Variants in ZNF831 observed in about 807,000 individuals in gnomAD.
ZNF831 encodes the protein chromosome 20 open reading frame 174.
Under a neutral mutation model 95.8 loss-of-function variants are expected in ZNF831, and 59 were observed. The observed-to-expected ratio is 0.62, with a 90% CI of 0.50 to 0.77. The LOEUF (loss-of-function observed/expected upper bound fraction) is 0.77, where lower values mean the gene tolerates loss of function less well. Among genes scored for constraint, ZNF831 ranks in the 30% least tolerant of loss-of-function variants. The pLI is 0.00. For missense variants in ZNF831, 2,205 were observed against 2,164.0 expected, an observed-to-expected ratio of 1.02 and a Z score of -0.38; for synonymous variants, 961 against 925.5, an observed-to-expected ratio of 1.04 and a Z score of -0.70.
At chr20:59,215,552 C>A (rs1985622524) in intron 4 of ZNF831, among the ~76,000 whole-genome samples, 1 of 152,222 alleles carries the variant, frequency 6.6e-6, no homozygotes, top group African/African-American at 2.4e-5. Context: ...CTTGGACACA[C>A]TTGTGATGAG....
Position 59,127,492 on chromosome 20 carries a change from C to T in ZNF831, c.-1425+3987C>T, listed in dbSNP as rs935178956. Among the ~76,000 whole-genome samples, 30 of 152,320 alleles carry T rather than the reference C, an allele frequency of 2.0e-4. 1 individual carries two copies. Among genetic ancestry groups the T allele is most frequent in the East Asian group, 3.9e-4 (2 of 5,172 alleles). On this transcript the variant is annotated intron_variant, in intron 1 of 7. Coordinates refer to the ZNF831 transcript ENST00000637017. ...ACCTTCCTGTTCCCAGCCAGCCCCA[C>T]GGGGCTCCCTGCTCTTCCTCCATTG... is the stretch of plus-strand genomic sequence containing the variant.
intron 3 of ZNF831, among the ~76,000 whole-genome samples, chr20:59,196,994 C>T (rs1984169464): frequency 6.6e-6 from 1 of 151,498 alleles, no homozygotes; most frequent in African/African-American, 2.4e-5. Context: ...GCCATGTTGC[C>T]CAGGCTGGTC....
chr20:59,207,025 G>A lies in ZNF831; in HGVS notation c.3996G>A (p.Arg1332=). 5 of 1,614,214 alleles carry A rather than the reference G, an allele frequency of 3.1e-6. No homozygotes were observed. Among genetic ancestry groups the A allele is most frequent in the Non-Finnish European group, 4.2e-6 (5 of 1,180,040 alleles). ...PPALEGLKPC[R]TPGQTSSEIA... ...CACTTGAGGGACTGAAGCCATGCAGGACCCCTGGGCAGACCTCTTCAGAAA... is the reference window on the plus strand; with the variant it reads ...CACTTGAGGGACTGAAGCCATGCAGAACCCCTGGGCAGACCTCTTCAGAAA... The change falls in exon 4 of 6, where the codon AGG becomes AGA. Residue 1332 remains arginine, a synonymous_variant. Coordinates refer to ENST00000371030, the MANE Select transcript of ZNF831 (RefSeq NM_178457.3).
At chr20:59,175,053 A>C (rs562797366) in intron 1 of ZNF831, among the ~76,000 whole-genome samples, 2 of 152,070 alleles carry the variant, frequency 1.3e-5, no homozygotes, top group East Asian at 3.9e-4. Flanking sequence ...AAAATGTGAT[A>C]CCCTTTTCTA....
chr20:59,203,093 G>A (rs186495254), intron 3 of ZNF831, among the ~76,000 whole-genome samples: 24 of 152,164 alleles, frequency 1.6e-4, no homozygotes, highest in Middle Eastern at 6.8e-3. Context: ...AAATGGGGCT[G>A]TCTTTTCATG....
chr20:59,151,567 C>T (rs552424908), intron 2 of ZNF831, among the ~76,000 whole-genome samples: 147 of 152,246 alleles, frequency 9.7e-4, no homozygotes, highest in Non-Finnish European at 1.4e-3. Flanking sequence ...GGTGAGATAC[C>T]GAGCCAAGAT....
At chr20:59,252,926 T>C (rs1371959693) in intron 4 of ZNF831, 52 bp from the exon 5 acceptor site, 12 of 1,572,612 alleles carry the variant, frequency 7.6e-6, no homozygotes, top group Non-Finnish European at 9.5e-6. Flanking sequence ...GAAATTACTC[T>C]TTGCTAATTT....
At chr20:59,185,821 G>A (rs562896751) in intron 1 of ZNF831, among the ~76,000 whole-genome samples, 9 of 152,258 alleles carry the variant, frequency 5.9e-5, no homozygotes, top group Admixed American at 1.3e-4. Context: ...CATTATAACC[G>A]GGGGATCAGG....
rs1171377066 is a variant in ZNF831 at position 59,146,595 on chromosome 20, CCT to C, written c.-1281+223_-1281+224del. The C allele has an allele frequency of 2.6e-5, 4 of 152,298 alleles. No individual in the cohort carries two copies. In the South Asian group the frequency reaches 6.2e-4, roughly 24 times the overall value. 9.4% of individuals were successfully genotyped at this position (152,298 alleles called of 1,614,324 possible). A position where few individuals can be genotyped will look rare whatever the true frequency, so the allele number is the denominator to read the frequency against. The stretch of plus-strand genomic sequence containing the variant: ...AACCAAGGGGCTTCTAGCCCCTCCT[CCT>C]CACCTTTCAGCACAGCCTTGTAAAC... On this transcript the variant is annotated intron_variant, in intron 2 of 7. Coordinates refer to the ZNF831 transcript ENST00000637017.
chr20:59,196,759 T>C (rs1984147116), intron 3 of ZNF831, among the ~76,000 whole-genome samples: 1 of 152,136 alleles, frequency 6.6e-6, no homozygotes, highest in Admixed American at 6.5e-5. Flanking sequence ...CCTGTCAACA[T>C]TCTCCCCCAG....
At position 59,207,080 on chromosome 20, in the gene ZNF831, T is replaced by A. The variant is rs372245801; in HGVS notation, c.4027+24T>A. 6 of 1,610,372 alleles carry A rather than the reference T, an allele frequency of 3.7e-6. No individual in the cohort carries two copies. The African/African-American group carries it at 8.0e-5, about 22-fold the overall frequency. ...AGGTAATGCTCTCTTTGGAGGTGCA[T>A]CCAGACTGGGCACTCGAAGGCACCC... On this transcript the variant is annotated intron_variant, in intron 4 of 5. Coordinates refer to ENST00000371030, the MANE Select transcript of ZNF831 (RefSeq NM_178457.3).
rs1209132086 is a variant in ZNF831, at chr20:59,240,137, C to T, written c.4028-12841C>T. On this transcript the variant is annotated intron_variant, in intron 4 of 5. Transcript: ENST00000371030. ...CCCCACCCCCACCTACCCCCACAGT[C>T]CCCCAGCTGCTGTCTATCCTCTGTG... Among the ~76,000 whole-genome samples the T allele has an allele frequency of 4.1e-5, 6 of 145,852 alleles. No individual in the cohort carries two copies. In the East Asian group the frequency reaches 6.2e-4, roughly 15 times the overall value.
At position 59,194,564 on chromosome 20, in the gene ZNF831, G is replaced by A. The variant is rs973859018; in HGVS notation, c.3545G>A (p.Arg1182Gln). 6 of 1,606,810 alleles carry A rather than the reference G, an allele frequency of 3.7e-6. No individual in the cohort carries two copies. The African/African-American group carries it at 5.3e-5, about 14-fold the overall frequency. Residue 1182 changes from arginine to glutamine, a missense_variant, in exon 2 of 6, where the codon CGG becomes CAG. Coordinates refer to ENST00000371030, the MANE Select transcript of ZNF831 (RefSeq NM_178457.3). Reference protein sequence around the residue: ...NPFPSLKAEPRLTWCCLSRSV... With the variant: ...NPFPSLKAEPQLTWCCLSRSV... ...TTTCCCTCACTGAAGGCTGAGCCGC[G>A]GCTCACGTGGTGTTGCCTGAGCCGC...
rs2146568181 is a variant in ZNF831, at chr20:59,192,593, C to T, written c.1574C>T (p.Pro525Leu). ...TWLEPREPRD[P>L]WSRTQKPLSP... ...CTGGAGCCCAGGGAGCCCCGGGACC[C>T]CTGGTCCAGGACGCAGAAGCCTCTG... Residue 525 changes from proline to leucine, a missense_variant, in exon 2 of 6, where the codon CCC (proline) becomes CTC (leucine). Transcript: ENST00000371030. The surrounding 1 kb of genome is among the most constrained non-coding windows in gnomAD (Gnocchi z 5.2). 2.6e-6 allele frequency: 4 copies of T among 1,510,766 alleles called. No homozygotes were observed. The highest frequency in any genetic ancestry group is 3.5e-6 in the Non-Finnish European group (4 of 1,133,336). The allele number at this position is 1,510,766 out of a possible 1,614,324, so 93.6% of individuals were successfully genotyped here.
rs758842616 is a variant in ZNF831 at position 59,191,477 on chromosome 20, G to A, written c.458G>A (p.Cys153Tyr). The change falls in exon 2 of 6, where the codon TGC (cysteine) becomes TAC (tyrosine). Residue 153 changes from cysteine to tyrosine, a missense_variant. Transcript: ENST00000371030. ...CTGTGTCCGCACTGTGGTCGCGACT[G>A]CCTGAAGCCCAGTGTTCTAGAGAAG... ...KYLCPHCGRD[C>Y]LKPSVLEKHI... is the part of the protein sequence containing the mutation. 6.2e-7 allele frequency: 1 copy of A among 1,613,100 alleles called. No individual in the cohort carries two copies.
intron 1 of ZNF831, among the ~76,000 whole-genome samples, chr20:59,164,709 AT>A (rs1981115916): frequency 2.0e-5 from 3 of 152,182 alleles, no homozygotes; most frequent in Non-Finnish European, 4.4e-5. Flanking sequence ...CAAGGGTAGC[AT>A]TTTTCAATGA....
Position 59,175,901 on chromosome 20 carries a change from G to T in ZNF831, c.-37+11694G>T, listed in dbSNP as rs1424557644. Among the ~76,000 whole-genome samples the T allele has an allele frequency of 2.0e-5, 3 of 152,346 alleles. No homozygotes were observed. The East Asian group carries it at 5.8e-4, about 29-fold the overall frequency. On this transcript the variant is annotated intron_variant, in intron 1 of 5. Coordinates refer to ENST00000371030, the MANE Select transcript of ZNF831 (RefSeq NM_178457.3). Reference sequence around the variant, plus strand: ...GTGTTAGCTGGCTTCCTTTGCTACTGCTCTGACTGGGGAAGAGATGAGTGG... The same window carrying T: ...GTGTTAGCTGGCTTCCTTTGCTACTTCTCTGACTGGGGAAGAGATGAGTGG...
At chr20:59,152,151 C>T (rs1358527125) in intron 2 of ZNF831, among the ~76,000 whole-genome samples, 1 of 152,184 alleles carries the variant, frequency 6.6e-6, no homozygotes, top group Non-Finnish European at 1.5e-5. Flanking sequence ...TGCCAGGTAC[C>T]AGCTTAGGTG....
intron 1 of ZNF831, among the ~76,000 whole-genome samples, chr20:59,166,289 A>T (rs1981257551): frequency 6.6e-6 from 1 of 152,220 alleles, no homozygotes; most frequent in Non-Finnish European, 1.5e-5. Flanking sequence ...GCTGCAGTAA[A>T]TAACATTGAC....
Sources: gnomAD v4.1 joint callset for allele counts (sites outside exome capture counted in the v4.1 genomes callset) on GRCh38, gnomAD v4.1.1 for gene constraint, Gnocchi (gnomAD v3.1) non-coding constraint, MANE v1.5 for transcripts, NCBI Gene and HGNC (gene_info 2026-07-23, HGNC 2026-07-21) for gene names.